RRP15: variants seen among roughly 807,000 people sequenced by gnomAD.
RRP15 encodes ribosomal RNA processing 15 homolog.
A neutral mutation model predicts 27.1 loss-of-function variants in RRP15; 18 were observed. That is an observed-to-expected ratio of 0.66 (90% CI 0.46 to 0.98). The LOEUF (loss-of-function observed/expected upper bound fraction) is 0.98. RRP15 is among the 50% of genes least tolerant of loss of function. RRP15 has a pLI of 0.00. For missense variants in RRP15, 359 were observed against 337.8 expected, an observed-to-expected ratio of 1.06 and a Z score of -0.49; for synonymous variants, 107 against 109.4, an observed-to-expected ratio of 0.98 and a Z score of 0.14.
At chr1:218,329,049 T>C (rs1283948918) in intron 4 of RRP15, among the ~76,000 whole-genome samples, 2 of 152,044 alleles carry the variant, frequency 1.3e-5, no homozygotes, top group Non-Finnish European at 2.9e-5. Context: ...AGAGGTGTTA[T>C]AATTGTTGGT....
chr1:218,326,238 G>A (rs142860773), intron 4 of RRP15, among the ~76,000 whole-genome samples: 4 of 152,270 alleles, frequency 2.6e-5, no homozygotes, highest in African/African-American at 7.2e-5. Context: ...CCCAAGAGGT[G>A]GAGGTTGCAG....
intron 4 of RRP15, among the ~76,000 whole-genome samples, chr1:218,316,704 G>A (rs1656094411): frequency 6.6e-6 from 1 of 152,154 alleles, no homozygotes; most frequent in South Asian, 2.1e-4. Flanking sequence ...AGTAAGTGCT[G>A]TATAAATGTT....
intron 4 of RRP15, among the ~76,000 whole-genome samples, chr1:218,315,833 T>A (rs540711983): frequency 2.2e-4 from 33 of 152,216 alleles, no homozygotes; most frequent in African/African-American, 7.9e-4. Flanking sequence ...TTAGATTGCC[T>A]CTGCATTGCA....
At position 218,331,097 on chromosome 1, in the gene RRP15, C is replaced by T. The variant is rs1656360734; in HGVS notation, c.*6C>T. On this transcript the variant is annotated 3_prime_UTR_variant, in exon 5 of 5. Transcript: ENST00000366932. ...CAAGTGACTCTGATACATAAAGCAT[C>T]ATAGGAAATACAATTGCAGTCGTTT... The T allele has an allele frequency of 6.2e-7, 1 of 1,604,518 alleles. No homozygotes were observed. The highest frequency in any genetic ancestry group is 8.5e-7 in the Non-Finnish European group (1 of 1,175,738).
intron 1 of RRP15, among the ~76,000 whole-genome samples, chr1:218,289,049 T>G (rs1347285603): frequency 6.6e-6 from 1 of 152,208 alleles, no homozygotes; most frequent in Non-Finnish European, 1.5e-5. Flanking sequence ...ACTTTAGGAT[T>G]GTTGTAACAA....
chr1:218,314,990 C>CAAAAA (rs76826029), intron 4 of RRP15, among the ~76,000 whole-genome samples: 1 of 61,730 alleles, frequency 1.6e-5, no homozygotes, highest in Non-Finnish European at 3.5e-5. Context: ...GGCTCCATCT[C>CAAAAA]AAAAAAAAAA....
In RRP15 at chr1:218,332,993, T is replaced by C. The variant is rs1656397661; in HGVS notation, c.*1902T>C. 6.6e-6 allele frequency: 1 copy of C among 152,182 alleles called. No individual in the cohort carries two copies. 9.4% of individuals were successfully genotyped at this position (152,182 alleles called of 1,614,324 possible). A position where few individuals can be genotyped will look rare whatever the true frequency, so the allele number is the denominator to read the frequency against. ...GTTTTGCAGGAATTTTTCTGAATAG[T>C]ACATTCACATGATAGATACGGATAA... On this transcript the variant is annotated 3_prime_UTR_variant, in exon 5 of 5. Coordinates refer to ENST00000366932, the MANE Select transcript of RRP15 (RefSeq NM_016052.4).
intron 4 of RRP15, among the ~76,000 whole-genome samples, chr1:218,324,492 A>G (rs984210228): frequency 2.0e-5 from 3 of 152,108 alleles, no homozygotes; most frequent in Admixed American, 1.3e-4. Context: ...CAGCGCCGCC[A>G]CTGCTGCTTC....
intron 1 of RRP15, among the ~76,000 whole-genome samples, chr1:218,292,344 G>A (rs1182398813): frequency 3.3e-5 from 5 of 152,180 alleles, no homozygotes. Context: ...GCATCCTTGT[G>A]CTTAGGGACA....
In RRP15 at chr1:218,302,532, G is replaced by C; in HGVS notation, c.378G>C (p.Lys126Asn). 1 of 1,612,918 alleles carries C rather than the reference G, an allele frequency of 6.2e-7. No homozygotes were observed. Among genetic ancestry groups the C allele is most frequent in the Non-Finnish European group, 8.5e-7 (1 of 1,179,688 alleles). Residue 126 changes from lysine (K) to asparagine (N), a missense_variant, in exon 2 of 5, where the codon AAG (lysine) becomes AAC (asparagine). Coordinates refer to ENST00000366932, the MANE Select transcript of RRP15 (RefSeq NM_016052.4). ...KKLEKEKEKL[K>N]QERLEKIKQR... ...TGGAAAAGGAAAAAGAAAAGTTAAA[G>C]CAAGAAAGACTAGAGAAAATAAAAC...
chr1:218,316,672 C>T (rs1429440726), intron 4 of RRP15, among the ~76,000 whole-genome samples: 1 of 152,154 alleles, frequency 6.6e-6, no homozygotes, highest in Non-Finnish European at 1.5e-5. Context: ...ACATAAAGCA[C>T]TTAGAATGAT....
intron 4 of RRP15, among the ~76,000 whole-genome samples, chr1:218,328,182 T>C (rs1292055007): frequency 6.6e-6 from 1 of 152,224 alleles, no homozygotes; most frequent in African/African-American, 2.4e-5. Flanking sequence ...GCTCTTCCTG[T>C]TATTCTTTAC....
chr1:218,318,188 GTTGA>G (rs1297906858), intron 4 of RRP15, among the ~76,000 whole-genome samples: 1 of 151,590 alleles, frequency 6.6e-6, no homozygotes, highest in African/African-American at 2.4e-5. Context: ...GTTTGTTTAG[GTTGA>G]TTATTTGAAA....
intron 2 of RRP15, 123 bp downstream of exon 2, chr1:218,302,682 G>A: frequency 7.0e-7 from 1 of 1,426,580 alleles, no homozygotes; most frequent in Non-Finnish European, 9.4e-7. Flanking sequence ...TTTTTTATGT[G>A]AAGGTGGATA....
chr1:218,311,241 T>G (rs1386444506), intron 4 of RRP15, among the ~76,000 whole-genome samples: 2 of 152,204 alleles, frequency 1.3e-5, no homozygotes, highest in African/African-American at 2.4e-5. Flanking sequence ...ATTTACACTA[T>G]TTCTTTATCA....
intron 3 of RRP15, among the ~76,000 whole-genome samples, chr1:218,306,108 C>T (rs1416153661): frequency 6.6e-6 from 1 of 152,146 alleles, no homozygotes; most frequent in Non-Finnish European, 1.5e-5. Flanking sequence ...TTTCCTCACC[C>T]TGGTCCTGTC....
At position 218,336,706 on chromosome 1, in the gene RRP15, G is replaced by A. The variant is rs1018539539; in HGVS notation, c.*5615G>A. The A allele has an allele frequency of 3.3e-5, 5 of 152,214 alleles. No individual in the cohort carries two copies. Among genetic ancestry groups the A allele is most frequent in the African/African-American group, 1.2e-4 (5 of 41,432 alleles). The allele number at this position is 152,214 out of a possible 1,614,324, so 9.4% of individuals were successfully genotyped here. Reference sequence around the variant, plus strand: ...AAGTACCAAGCATAACATCAAGACTGTTTCTACACAATAATATTTGTCTTT... The same window carrying A: ...AAGTACCAAGCATAACATCAAGACTATTTCTACACAATAATATTTGTCTTT... On this transcript the variant is annotated 3_prime_UTR_variant, in exon 5 of 5. Transcript: ENST00000366932.
Position 218,337,217 on chromosome 1 carries a change from G to T in RRP15, c.*6126G>T, listed in dbSNP as rs1185326263. ...TGGAGGATTAGGTGCTGCACCTATAGGTTTCCATTCATTTCTCATCTATGT... is the reference window on the plus strand; with the variant it reads ...TGGAGGATTAGGTGCTGCACCTATATGTTTCCATTCATTTCTCATCTATGT... On this transcript the variant is annotated 3_prime_UTR_variant, in exon 5 of 5. Coordinates refer to ENST00000366932, the MANE Select transcript of RRP15 (RefSeq NM_016052.4). The T allele has an allele frequency of 1.3e-5, 2 of 152,130 alleles. No homozygotes were observed. The highest frequency in any genetic ancestry group is 1.5e-5 in the Non-Finnish European group (1 of 68,010). The allele number at this position is 152,130 out of a possible 1,614,324, so 9.4% of individuals were successfully genotyped here. A position where few individuals can be genotyped will look rare whatever the true frequency, so the allele number is the denominator to read the frequency against.
At chr1:218,302,698 G>C in intron 2 of RRP15, 139 bp downstream of exon 2, 1 of 1,344,266 alleles carries the variant, frequency 7.4e-7, no homozygotes, top group Non-Finnish European at 1.0e-6. Flanking sequence ...GGATAACTAA[G>C]GTTATGTTTA....
Sources: allele counts gnomAD v4.1 joint callset (sites outside exome capture counted in the v4.1 genomes callset), GRCh38; gene constraint gnomAD v4.1.1; transcripts MANE v1.5; gene names NCBI Gene and HGNC (gene_info 2026-07-23, HGNC 2026-07-21).